Variants in GHDC observed in about 807,000 individuals in gnomAD.
The protein encoded by GHDC is GH3 domain containing, also known as GH3 domain-containing protein.
GHDC carries 39 observed loss-of-function variants against 51.5 expected under a neutral mutation model. That is an observed-to-expected ratio of 0.76 (90% CI 0.59 to 0.99). The LOEUF (loss-of-function observed/expected upper bound fraction) is 0.99. GHDC is among the 50% of genes least tolerant of loss of function. GHDC has a pLI of 0.00. For synonymous variants in GHDC, 282 were observed against 305.2 expected (o/e 0.92, Z 0.79); for missense variants, 610 against 672.8 (o/e 0.91, Z 1.03).
Position 42,193,782 on chromosome 17 carries a change from G to T in GHDC, c.-29C>A. The T allele has an allele frequency of 1.4e-6, 1 of 695,552 alleles. No individual in the cohort carries two copies. The allele number at this position is 695,552 out of a possible 1,614,324, so 43.1% of individuals were successfully genotyped here. On this transcript the variant is annotated 5_prime_UTR_variant, in exon 2 of 10. Transcript: ENST00000587427. ...TCCCACTGACCTGAGTGCAGATCCTGCCTCTGCCGCTTGTTAGCTGTAGGG... is the reference window on the plus strand; with the variant it reads ...TCCCACTGACCTGAGTGCAGATCCTTCCTCTGCCGCTTGTTAGCTGTAGGG...
At position 42,189,592 on chromosome 17, in the gene GHDC, C is replaced by G; in HGVS notation, c.*111G>C. On this transcript the variant is annotated 3_prime_UTR_variant, in exon 10 of 10. Transcript: ENST00000587427. ...CCCAGCGGCTCTCATGGGCAAATGT[C>G]AGGTGACACAGAGTCAGAGACCCTG... The G allele has an allele frequency of 1.8e-6, 1 of 543,690 alleles. No homozygotes were observed. The highest frequency in any genetic ancestry group is 3.1e-6 in the Non-Finnish European group (1 of 325,410). 33.7% of individuals were successfully genotyped at this position (543,690 alleles called of 1,614,324 possible).
In GHDC at chr17:42,193,597, G is replaced by T. The variant is rs553634215; in HGVS notation, c.-13-3C>A. ...ACAGCAGCATCTCCAAGCAGCTCCT[G>T]GGAAGAGGAAGGAACCGAGATATGG... On this transcript the variant is annotated splice_region_variant and splice_polypyrimidine_tract_variant and intron_variant, in intron 2 of 9. Coordinates refer to ENST00000587427, the MANE Select transcript of GHDC (RefSeq NM_032484.5). The T allele has an allele frequency of 1.4e-5, 21 of 1,527,406 alleles. No individual in the cohort carries two copies. Among genetic ancestry groups the T allele is most frequent in the Non-Finnish European group, 1.8e-5 (20 of 1,140,130 alleles). 94.6% of individuals were successfully genotyped at this position (1,527,406 alleles called of 1,614,324 possible).
At chr17:42,190,379 A>G in intron 8 of GHDC, 109 bp from the exon 9 acceptor site, 2 of 1,587,970 alleles carry the variant, frequency 1.3e-6, no homozygotes, top group Non-Finnish European at 1.7e-6. Flanking sequence ...ATAGGGAAAA[A>G]AGAGTTTCTT....
rs762253755 is a variant in GHDC, at chr17:42,190,227, C to T, written c.1332G>A (p.Ala444=). 7.8e-5 allele frequency: 126 copies of T among 1,614,038 alleles called. No homozygotes were observed. Among genetic ancestry groups the T allele is most frequent in the Non-Finnish European group, 1.0e-4 (122 of 1,180,036 alleles). ...GSAPHYEVFV[A]LRGLRNLSEE... Reference sequence around the variant, plus strand: ...CTGACAGATTCCTCAGCCCCCTCAGCGCCACAAACACCTCGTAGTGGGGAG... The same window carrying T: ...CTGACAGATTCCTCAGCCCCCTCAGTGCCACAAACACCTCGTAGTGGGGAG... Residue 444 remains alanine, a synonymous_variant, in exon 9 of 10, where the codon GCG becomes GCA. Transcript: ENST00000587427.
chr17:42,189,679 C>A lies in GHDC; in HGVS notation c.*24G>T. On this transcript the variant is annotated 3_prime_UTR_variant, in exon 10 of 10. Coordinates refer to ENST00000587427, the MANE Select transcript of GHDC (RefSeq NM_032484.5). ...GGGGCGAGGTGGCCTCTGGGGGGAG[C>A]TGGGCGGTGGGGCAGGACTTGACTC... 7.5e-7 allele frequency: 1 copy of A among 1,328,430 alleles called. No individual in the cohort carries two copies. The highest frequency in any genetic ancestry group is 9.9e-7 in the Non-Finnish European group (1 of 1,006,438). The allele number at this position is 1,328,430 out of a possible 1,614,324, so 82.3% of individuals were successfully genotyped here. A position where few individuals can be genotyped will look rare whatever the true frequency, so the allele number is the denominator to read the frequency against.
chr17:42,192,800 T>A (rs2079980183), intron 4 of GHDC, 58 bp from the exon 5 acceptor site: 1 of 1,542,954 alleles, frequency 6.5e-7, no homozygotes, highest in Non-Finnish European at 8.7e-7. Context: ...AGAGCCCCCA[T>A]TTGGGGGTTC....
chr17:42,194,185 A>AAAAAAAG (rs2079991462), intron 1 of GHDC: 1 of 152,800 alleles, frequency 6.5e-6, no homozygotes, highest in African/African-American at 2.4e-5. Flanking sequence ...TGTCAAAAAA[A>AAAAAAAG]AAAAGAAAAG....
rs185451399 is a variant in GHDC, at chr17:42,191,924, C to T, written c.889+317G>A. ...ATTATAGGCGTGCACCACCATACTC[C>T]GCTAGTTTTTGTATTTTTAGTAGAG... On this transcript the variant is annotated intron_variant, in intron 5 of 9. Transcript: ENST00000587427. Among the ~76,000 whole-genome samples, 8 of 151,768 alleles carry T rather than the reference C, an allele frequency of 5.3e-5. No homozygotes were observed. The East Asian group carries it at 5.8e-4, about 11-fold the overall frequency.
chr17:42,190,501 G>C, intron 8 of GHDC, 123 bp downstream of exon 8: 6 of 1,418,346 alleles, frequency 4.2e-6, no homozygotes, highest in Non-Finnish European at 3.8e-6. Flanking sequence ...GTTAGATGCA[G>C]AGAAGGACTT....
At chr17:42,193,049 A>G in intron 3 of GHDC, 22 bp from the exon 4 acceptor site, 1 of 1,614,054 alleles carries the variant, frequency 6.2e-7, no homozygotes, top group South Asian at 1.1e-5. Context: ...ATGACAACAG[A>G]AACGCCTCAG....
At position 42,190,904 on chromosome 17, in the gene GHDC, C is replaced by T; in HGVS notation, c.1083-1G>A. The T allele has an allele frequency of 6.2e-7, 1 of 1,606,404 alleles. No homozygotes were observed. ...TCGCACCACATCACCCAGGCGGCAC[C>T]TGATGGGGTGCAAGTGGGAGTGAGG... On this transcript the variant is annotated splice_acceptor_variant, in intron 6 of 9. Coordinates refer to ENST00000587427, the MANE Select transcript of GHDC (RefSeq NM_032484.5). LOFTEE classifies it high-confidence loss of function.
chr17:42,193,267 G>A, intron 3 of GHDC, 50 bp downstream of exon 3: 1 of 1,534,902 alleles, frequency 6.5e-7, no homozygotes, highest in South Asian at 1.2e-5. Flanking sequence ...TGACGGTCCT[G>A]TGGGGTTTCT....
chr17:42,192,417 G>C lies in GHDC; in HGVS notation c.713C>G (p.Ala238Gly). The C allele has an allele frequency of 6.2e-7, 1 of 1,613,156 alleles. No homozygotes were observed. Among genetic ancestry groups the C allele is most frequent in the Non-Finnish European group, 8.5e-7 (1 of 1,179,996 alleles). The change falls in exon 5 of 10, where the codon GCT becomes GGT. Residue 238 changes from alanine (A) to glycine (G), a missense_variant. Around this residue, in one of 2 missense-constraint regions of GHDC, gnomAD observed 412 missense variants for 410.4 expected, o/e 1.00. Coordinates refer to ENST00000587427, the MANE Select transcript of GHDC (RefSeq NM_032484.5). ...CTGCTCTAGGGCCTCCCGGAGCTCA[G>C]CTGCCCGTTCACGGAGAGGCGCTCC... ...NPGAPLRERA[A>G]ELREALEQGP...
At position 42,190,279 on chromosome 17, in the gene GHDC, A is replaced by T; in HGVS notation, c.1289-9T>A. 6.2e-7 allele frequency: 1 copy of T among 1,614,220 alleles called. No homozygotes were observed. The highest frequency in any genetic ancestry group is 2.2e-5 in the East Asian group (1 of 44,892). ...AGAGCCCGCAGAGGAATCTGTGAAT[A>T]GACCCCATGTGCACACATACTTCCG... On this transcript the variant is annotated splice_polypyrimidine_tract_variant and intron_variant, in intron 8 of 9. Transcript: ENST00000587427.
At chr17:42,190,379 AAG>A (rs1485514613) in intron 8 of GHDC, 109 bp from the exon 9 acceptor site, 9 of 1,587,852 alleles carry the variant, frequency 5.7e-6, no homozygotes, top group African/African-American at 1.4e-5. Flanking sequence ...ATAGGGAAAA[AAG>A]AGTTTCTTGG....
rs1024659839 is a variant in GHDC at position 42,192,329 on chromosome 17, T to G, written c.801A>C (p.Ala267=). 6.2e-7 allele frequency: 1 copy of G among 1,612,566 alleles called. No individual in the cohort carries two copies. Among genetic ancestry groups the G allele is most frequent in the Non-Finnish European group, 8.5e-7 (1 of 1,179,468 alleles). The change falls in exon 5 of 10, where the codon GCA becomes GCC. Residue 267 remains alanine (A), a synonymous_variant. Coordinates refer to ENST00000587427, the MANE Select transcript of GHDC (RefSeq NM_032484.5). ...PKLQVVVTLD[A]GGQAEAVAAL... ...CAGCCACAGCCTCGGCCTGGCCTCCTGCATCCAGAGTCACCACCACCTGCA... is the reference window on the plus strand; with the variant it reads ...CAGCCACAGCCTCGGCCTGGCCTCCGGCATCCAGAGTCACCACCACCTGCA...
At position 42,191,004 on chromosome 17, in the gene GHDC, G is replaced by T; in HGVS notation, c.1082+14C>A. On this transcript the variant is annotated intron_variant, in intron 6 of 9. Coordinates refer to ENST00000587427, the MANE Select transcript of GHDC (RefSeq NM_032484.5). ...CATAGGGCCCCAGGTAGCAGGGGCT[G>T]TGCAGCTGATCACCTGGTGAGGCTG... is the stretch of plus-strand genomic sequence containing the variant. 6.4e-7 allele frequency: 1 copy of T among 1,567,268 alleles called. No homozygotes were observed.
Position 42,189,785 on chromosome 17 carries a change from G to C in GHDC, c.1511C>G (p.Ser504Cys). The C allele has an allele frequency of 2.6e-6, 4 of 1,545,922 alleles. No homozygotes were observed. The highest frequency in any genetic ancestry group is 2.6e-6 in the Non-Finnish European group (3 of 1,145,856). Reference sequence around the variant, plus strand: ...GGGCATCGCAGGGGGGAAGGGGGAGGAGGGGCAGGCAGCGAGGGCTGCCCG... The same window carrying C: ...GGGCATCGCAGGGGGGAAGGGGGAGCAGGGGCAGGCAGCGAGGGCTGCCCG... ...ALRAALAACP[S>C]SPFPPAMPRV... Residue 504 changes from serine to cysteine, a missense_variant, in exon 10 of 10, where the codon TCC (serine) becomes TGC (cysteine). By Grantham distance (112) the Ser-to-Cys change is moderately radical. Coordinates refer to ENST00000587427, the MANE Select transcript of GHDC (RefSeq NM_032484.5).
intron 2 of GHDC, 58 bp from the exon 3 acceptor site, chr17:42,193,652 C>T: frequency 6.8e-7 from 1 of 1,473,276 alleles, no homozygotes; most frequent in Non-Finnish European, 9.0e-7. Context: ...ATTTCTCCTC[C>T]CACGCTCTAC....
Sources: gnomAD v4.1 joint callset for allele counts (sites outside exome capture counted in the v4.1 genomes callset) on GRCh38, gnomAD v4.1.1 for gene constraint, gnomAD v4.1.1 regional missense constraint, MANE v1.5 for transcripts, NCBI Gene and HGNC (gene_info 2026-07-23, HGNC 2026-07-21) for gene names.